The following PLEKHG5 variants were observed in gnomAD, a reference collection of about 807,000 sequenced individuals.
The protein encoded by PLEKHG5 is pleckstrin homology and RhoGEF domain containing G5.
In PLEKHG5, 52 loss-of-function variants were observed where a neutral mutation model predicts 103.8. The ratio of observed to expected loss-of-function variants is 0.50; its 90% CI spans 0.40 to 0.63. The LOEUF (loss-of-function observed/expected upper bound fraction) is 0.63. PLEKHG5 is among the 30% of genes least tolerant of loss of function. PLEKHG5 has a pLI of 0.00. For missense variants in PLEKHG5, 1,205 were observed against 1,347.6 expected (o/e 0.89, Z 1.66); for synonymous variants, 592 against 575.5 (o/e 1.03, Z -0.41).
At chr1:6,473,761 C>T (rs1412005539) in intron 7 of PLEKHG5, among the ~76,000 whole-genome samples, 1 of 152,186 alleles carries the variant, frequency 6.6e-6, no homozygotes, top group African/African-American at 2.4e-5. Flanking sequence ...CTCTCACACA[C>T]ACATGCACAC....
intron 4 of PLEKHG5, 95 bp downstream of exon 4, chr1:6,475,367 G>A: frequency 9.0e-7 from 1 of 1,107,458 alleles, no homozygotes; most frequent in Non-Finnish European, 1.4e-6. Flanking sequence ...CTGGGATGCA[G>A]ACCTCCCCAC....
At position 6,486,250 on chromosome 1, in the gene PLEKHG5, C is replaced by T. The variant is rs1243183102; in HGVS notation, c.-88+5387G>A. On this transcript the variant is annotated intron_variant, in intron 1 of 20. Coordinates refer to ENST00000377728, the MANE Select transcript of PLEKHG5 (RefSeq NM_020631.6). This position sits in a 1 kb window ranked among gnomAD's most constrained non-coding sequence, Gnocchi z 5.3. ...AAGGGGGAGGCCAGGATGGGGCACACTCCCCTCAGGGTCCTTGGTCCGGCT... is the reference window on the plus strand; with the variant it reads ...AAGGGGGAGGCCAGGATGGGGCACATTCCCCTCAGGGTCCTTGGTCCGGCT... Among the ~76,000 whole-genome samples the T allele has an allele frequency of 1.3e-5, 2 of 152,116 alleles. No individual in the cohort carries two copies. Among genetic ancestry groups the T allele is most frequent in the Non-Finnish European group, 2.9e-5 (2 of 68,006 alleles).
rs904889618 is a variant in PLEKHG5, at chr1:6,486,437, G to A, written c.-88+5200C>T. Among the ~76,000 whole-genome samples, 2 of 152,180 alleles carry A rather than the reference G, an allele frequency of 1.3e-5. No individual in the cohort carries two copies. Among genetic ancestry groups the A allele is most frequent in the South Asian group, 2.1e-4 (1 of 4,830 alleles). On this transcript the variant is annotated intron_variant, in intron 1 of 20. Transcript: ENST00000377728. This position sits in a 1 kb window ranked among gnomAD's most constrained non-coding sequence, Gnocchi z 5.3. ...AGCCCCAGGGACACCCCCTCACACC[G>A]ACTGCTCACTGCCCAGGTACGGCAG...
At chr1:6,500,861 C>G (rs559091330), upstream of PLEKHG5, among the ~76,000 whole-genome samples, 17 of 152,286 alleles carry the variant, frequency 1.1e-4, no homozygotes, top group Non-Finnish European at 2.2e-4. Context: ...GGCCCTTGGC[C>G]AGGCAGAGGA....
chr1:6,508,183 T>TTGG (rs1553179962), intron 1 of PLEKHG5, among the ~76,000 whole-genome samples: 5 of 151,764 alleles, frequency 3.3e-5, no homozygotes, highest in Admixed American at 2.6e-4. Flanking sequence ...AGCGGTCACC[T>TTGG]GGGGCCCCAC....
At position 6,475,670 on chromosome 1, in the gene PLEKHG5, G is replaced by A. The variant is rs1644746681; in HGVS notation, c.150-148C>T. The A allele has an allele frequency of 3.9e-6, 3 of 778,046 alleles. No homozygotes were observed. The South Asian group carries it at 4.2e-5, about 11-fold the overall frequency. 48.2% of individuals were successfully genotyped at this position (778,046 alleles called of 1,614,324 possible). A position where few individuals can be genotyped will look rare whatever the true frequency, so the allele number is the denominator to read the frequency against. On this transcript the variant is annotated intron_variant, in intron 3 of 20. Transcript: ENST00000377728. ...TTCAACCCGGCCAGGCCCGCATAGG[G>A]CTGTGCGCCCTCTGGTGGCCAACAC...
At chr1:6,469,773 A>G (rs1644513530) in intron 16 of PLEKHG5, 97 bp from the exon 17 acceptor site, 6 of 1,135,008 alleles carry the variant, frequency 5.3e-6, no homozygotes, top group Non-Finnish European at 7.8e-6. Flanking sequence ...GTTTTTGTCA[A>G]ACACTCCTCC....
intron 1 of PLEKHG5, among the ~76,000 whole-genome samples, chr1:6,512,878 A>G (rs1387669040): frequency 6.8e-6 from 1 of 148,062 alleles, no homozygotes; most frequent in Non-Finnish European, 1.5e-5. Flanking sequence ...TAGGCCTCAC[A>G]GGCCTCACAG....
intron 1 of PLEKHG5, among the ~76,000 whole-genome samples, chr1:6,513,400 G>A (rs966092059): frequency 3.9e-5 from 6 of 152,220 alleles, no homozygotes; most frequent in Non-Finnish European, 8.8e-5. Context: ...GCCCGCCTGG[G>A]GTCAAACCTG....
At chr1:6,498,149 G>A (rs964317283), upstream of PLEKHG5, among the ~76,000 whole-genome samples, 2 of 152,180 alleles carry the variant, frequency 1.3e-5, no homozygotes, top group African/African-American at 4.8e-5. Flanking sequence ...AAGAGTCTGC[G>A]GGGGCTCAGT....
chr1:6,509,612 G>A (rs1447869396), intron 1 of PLEKHG5, among the ~76,000 whole-genome samples: 1 of 152,168 alleles, frequency 6.6e-6, no homozygotes, highest in Non-Finnish European at 1.5e-5. Context: ...GGGGCTCCAC[G>A]GGCCCCTGAA....
At chr1:6,496,962 C>T (rs573413240), upstream of PLEKHG5, 94 of 1,529,772 alleles carry the variant, frequency 6.1e-5, 2 homozygotes, top group South Asian at 1.1e-3. Context: ...ACCTTACGCC[C>T]TGCATCGCTC....
chr1:6,499,708 C>T (rs531232141), upstream of PLEKHG5, among the ~76,000 whole-genome samples: 6 of 152,288 alleles, frequency 3.9e-5, no homozygotes, highest in Admixed American at 3.3e-4. Flanking sequence ...CATCTACAGC[C>T]TTCGAGGAAA....
intron 1 of PLEKHG5, among the ~76,000 whole-genome samples, chr1:6,507,193 C>T (rs1429911017): frequency 6.6e-6 from 1 of 152,138 alleles, no homozygotes; most frequent in Non-Finnish European, 1.5e-5. Flanking sequence ...ATCCACGTGA[C>T]CTGTGCCCCA....
At chr1:6,501,239 C>T (rs796982691), upstream of PLEKHG5, among the ~76,000 whole-genome samples, 2 of 152,136 alleles carry the variant, frequency 1.3e-5, no homozygotes, top group African/African-American at 4.8e-5. This position sits in a 1 kb window ranked among gnomAD's most constrained non-coding sequence, Gnocchi z 4.3. Context: ...CCCCTCACTC[C>T]GCTACTTGCC....
chr1:6,485,723 CG>C, intron 1 of PLEKHG5: 2 of 353,866 alleles, frequency 5.7e-6, no homozygotes, highest in Non-Finnish European at 4.3e-6. Context: ...TGCCCAGACC[CG>C]GGGACTCCAC....
At chr1:6,511,649 G>C (rs552090080) in intron 1 of PLEKHG5, among the ~76,000 whole-genome samples, 149 of 152,360 alleles carry the variant, frequency 9.8e-4, no homozygotes, top group African/African-American at 3.5e-3. Context: ...ATGTGAGATG[G>C]GGGACTGAGG....
intron 1 of PLEKHG5, among the ~76,000 whole-genome samples, chr1:6,510,070 G>A (rs1053964067): frequency 3.3e-5 from 5 of 152,204 alleles, no homozygotes; most frequent in Admixed American, 1.3e-4. Flanking sequence ...AGCCAGCTGC[G>A]TGCATGCGGG....
At position 6,512,313 on chromosome 1, in the gene PLEKHG5, C is replaced by A. The variant is rs148886575; in HGVS notation, c.-165+7132G>T. On this transcript the variant is annotated intron_variant, in intron 1 of 21. Coordinates refer to the PLEKHG5 transcript ENST00000377740. ...GTTGTCCTTCCTGCTCAGCACTGTTCAAGCCCTGAGGCCACGTGAGCTCAA... is the reference window on the plus strand; with the variant it reads ...GTTGTCCTTCCTGCTCAGCACTGTTAAAGCCCTGAGGCCACGTGAGCTCAA... Among the ~76,000 whole-genome samples, 909 of 152,342 alleles carry A rather than the reference C, an allele frequency of 6.0e-3. 4 individuals are homozygous for A. Among genetic ancestry groups the A allele is most frequent in the African/African-American group, 0.01 (429 of 41,578 alleles).
Sources: gnomAD v4.1 joint callset for allele counts (sites outside exome capture counted in the v4.1 genomes callset) on GRCh38, gnomAD v4.1.1 for gene constraint, Gnocchi (gnomAD v3.1) non-coding constraint, MANE v1.5 for transcripts, NCBI Gene and HGNC (gene_info 2026-07-23, HGNC 2026-07-21) for gene names.